Variants in TP53BP1 observed in about 807,000 individuals in gnomAD.
TP53BP1 encodes the protein TP53-binding protein 1.
Under a neutral mutation model 200.8 loss-of-function variants are expected in TP53BP1, and 61 were observed. The ratio of observed to expected loss-of-function variants is 0.30; its 90% confidence interval spans 0.25 to 0.38. The LOEUF is 0.38. Among genes scored for constraint, TP53BP1 ranks in the 10% least tolerant of loss-of-function variants. The probability of loss-of-function intolerance (pLI) is 1.00; values close to 1 mark genes in which losing one functional copy is unlikely to be tolerated. For synonymous variants in TP53BP1, 822 were observed against 844.3 expected (o/e 0.97, Z 0.46); for missense variants, 2,144 against 2,371.9 (o/e 0.90, Z 2.00).
At chr15:43,459,513 A>T (rs1489068664) in intron 11 of TP53BP1, among the ~76,000 whole-genome samples, 1 of 152,220 alleles carries the variant, frequency 6.6e-6, no homozygotes, top group Non-Finnish European at 1.5e-5. Flanking sequence ...CAAATTGTGG[A>T]TACACATATT....
At chr15:43,474,269 C>T (rs1183328912) in intron 10 of TP53BP1, among the ~76,000 whole-genome samples, 1 of 152,160 alleles carries the variant, frequency 6.6e-6, no homozygotes, top group Non-Finnish European at 1.5e-5. Context: ...TCCCTGCACG[C>T]CTCCCTGCAA....
At chr15:43,421,605 A>C in intron 19 of TP53BP1, 1 of 576,456 alleles carries the variant, frequency 1.7e-6, no homozygotes. Context: ...TAAATTCCCG[A>C]AAGTCCCCTC....
In TP53BP1 at chr15:43,421,091, T is replaced by G. The variant is rs1339611845; in HGVS notation, c.4184A>C (p.Lys1395Thr). ...DAGLGIRQGG[K>T]APVTPRGRGR... The stretch of plus-strand genomic sequence containing the variant: ...ACGCCCACGAGGCGTGACTGGAGCC[T>G]TCCCTCCCTGTCTGATGCCAAGGCC... Residue 1395 changes from lysine (K) to threonine (T), a missense_variant, in exon 20 of 28, where the codon AAG (lysine) becomes ACG (threonine). By Grantham distance (78) the Lys-to-Thr change is moderately conservative. Around this residue, in one of 4 missense-constraint regions of TP53BP1, gnomAD observed 1,700 missense variants for 1,710.3 expected, o/e 0.99. Coordinates refer to ENST00000382044, the MANE Select transcript of TP53BP1 (RefSeq NM_001141980.3). 6.8e-6 allele frequency: 11 copies of G among 1,614,186 alleles called. No homozygotes were observed. The highest frequency in any genetic ancestry group is 9.3e-6 in the Non-Finnish European group (11 of 1,180,022).
chr15:43,502,617 A>ATTT (rs776534479), intron 1 of TP53BP1, among the ~76,000 whole-genome samples: 1 of 137,976 alleles, frequency 7.2e-6, no homozygotes, highest in African/African-American at 2.7e-5. Context: ...ACCACGACCT[A>ATTT]TTTTTTTTTT....
chr15:43,480,316 C>T (rs1262924844), intron 5 of TP53BP1, among the ~76,000 whole-genome samples: 5 of 152,018 alleles, frequency 3.3e-5, no homozygotes, highest in African/African-American at 4.8e-5. Context: ...GGTGTGGTGG[C>T]GCACACATGT....
chr15:43,510,219 C>T (rs186161642), intron 1 of TP53BP1, among the ~76,000 whole-genome samples: 1 of 152,204 alleles, frequency 6.6e-6, no homozygotes, highest in East Asian at 1.9e-4. Context: ...GGAGACCCAT[C>T]TCACTGTCAC....
In TP53BP1 at chr15:43,405,152, T is replaced by C. The variant is rs2044824370; in HGVS notation, c.*2231A>G. The stretch of plus-strand genomic sequence containing the variant: ...ATCCTGATTCATATTTCTTTGAAGG[T>C]AGTCTTGGGAAAGCATGACACTTAA... On this transcript the variant is annotated 3_prime_UTR_variant, in exon 28 of 28. Transcript: ENST00000382044. The C allele has an allele frequency of 6.2e-7, 1 of 1,606,734 alleles. No homozygotes were observed. Among genetic ancestry groups the C allele is most frequent in the Non-Finnish European group, 8.5e-7 (1 of 1,173,752 alleles).
chr15:43,415,402 A>G, intron 23 of TP53BP1, 192 bp downstream of exon 23: 2 of 707,538 alleles, frequency 2.8e-6, no homozygotes, highest in African/African-American at 1.7e-5. Flanking sequence ...TACCCGCACT[A>G]GAGTCTGTAG....
intron 15 of TP53BP1, among the ~76,000 whole-genome samples, chr15:43,440,286 C>T (rs1345830632): frequency 1.3e-5 from 2 of 151,880 alleles, no homozygotes; most frequent in Admixed American, 6.6e-5. Flanking sequence ...GTCTTGCGGG[C>T]GGATCACGAG....
At chr15:43,452,619 G>A (rs1245903956) in intron 12 of TP53BP1, among the ~76,000 whole-genome samples, 1 of 135,666 alleles carries the variant, frequency 7.4e-6, no homozygotes, top group Non-Finnish European at 1.5e-5. Context: ...GTTCTAATTT[G>A]TAGTTAAAAT....
Position 43,415,496 on chromosome 15 carries a change from G to C in TP53BP1, c.5089+98C>G, listed in dbSNP as rs771436122. On this transcript the variant is annotated intron_variant, in intron 23 of 27. Transcript: ENST00000382044. ...AGGACCCCGACTTTATAGCAGGACA[G>C]AAGGGCCACTGCCACATATTAAGCT... is the stretch of plus-strand genomic sequence containing the variant. The C allele has an allele frequency of 3.1e-6, 4 of 1,302,532 alleles. No homozygotes were observed. In the South Asian group the frequency reaches 4.7e-5, roughly 15 times the overall value. The allele number at this position is 1,302,532 out of a possible 1,614,324, so 80.7% of individuals were successfully genotyped here. A position where few individuals can be genotyped will look rare whatever the true frequency, so the allele number is the denominator to read the frequency against.
chr15:43,404,624 C>T lies in TP53BP1; in HGVS notation c.*2759G>A, dbSNP rs1450437120. 6.5e-7 allele frequency: 1 copy of T among 1,528,636 alleles called. No homozygotes were observed. The highest frequency in any genetic ancestry group is 2.3e-5 in the East Asian group (1 of 44,304). 94.7% of individuals were successfully genotyped at this position (1,528,636 alleles called of 1,614,324 possible). A position where few individuals can be genotyped will look rare whatever the true frequency, so the allele number is the denominator to read the frequency against. On this transcript the variant is annotated 3_prime_UTR_variant, in exon 28 of 28. Coordinates refer to ENST00000382044, the MANE Select transcript of TP53BP1 (RefSeq NM_001141980.3). Reference sequence around the variant, plus strand: ...TTTAATGAGTTGTAGAATTCTAGAACTGGAAGAAGACTTTAGTCCAAATAC... The same window carrying T: ...TTTAATGAGTTGTAGAATTCTAGAATTGGAAGAAGACTTTAGTCCAAATAC...
intron 11 of TP53BP1, among the ~76,000 whole-genome samples, chr15:43,460,563 T>C (rs564010277): frequency 2.0e-5 from 3 of 152,276 alleles, no homozygotes; most frequent in African/African-American, 4.8e-5. Flanking sequence ...TCAGGCTTTT[T>C]TTCCTATGAT....
intron 10 of TP53BP1, among the ~76,000 whole-genome samples, chr15:43,472,696 T>C (rs1224348375): frequency 6.6e-6 from 1 of 152,250 alleles, no homozygotes. Context: ...TAGAAACAAG[T>C]AGGCCATTAT....
At chr15:43,482,356 C>T (rs1421182605) in intron 4 of TP53BP1, among the ~76,000 whole-genome samples, 1 of 152,186 alleles carries the variant, frequency 6.6e-6, no homozygotes, top group East Asian at 1.9e-4. Context: ...TGAAACAAGG[C>T]CAGGCGCAGG....
chr15:43,495,495 TCACACACACACACACACA>T (rs376410840), upstream of TP53BP1, among the ~76,000 whole-genome samples: 5 of 133,352 alleles, frequency 3.7e-5, no homozygotes, highest in African/African-American at 5.6e-5. Context: ...TGAGACTCCG[TCACACACACACACACACA>T]CACACACACA....
At position 43,480,300 on chromosome 15, in the gene TP53BP1, T is replaced by A. The variant is rs1353495899; in HGVS notation, c.500-283A>T. On this transcript the variant is annotated intron_variant, in intron 5 of 27. Coordinates refer to ENST00000382044, the MANE Select transcript of TP53BP1 (RefSeq NM_001141980.3). ...CCATCTCTACTAAAAATACAAAAATTAGCCAGGTGTGGTGGCGCACACATG... is the reference window on the plus strand; with the variant it reads ...CCATCTCTACTAAAAATACAAAAATAAGCCAGGTGTGGTGGCGCACACATG... 3.3e-5 allele frequency among the ~76,000 whole-genome samples: 5 copies of A among 151,884 alleles called. No individual in the cohort carries two copies. The East Asian group carries it at 9.7e-4, about 29-fold the overall frequency.
chr15:43,488,094 T>C (rs762340662), intron 4 of TP53BP1, among the ~76,000 whole-genome samples: 11 of 151,930 alleles, frequency 7.2e-5, no homozygotes, highest in South Asian at 4.2e-4. Flanking sequence ...AGCCCAGGCA[T>C]TGGAGACCAC....
intron 15 of TP53BP1, among the ~76,000 whole-genome samples, chr15:43,440,476 C>T (rs2045901697): frequency 6.6e-6 from 1 of 150,680 alleles, no homozygotes; most frequent in African/African-American, 2.5e-5. Context: ...GATCGTGCCA[C>T]TGCACTCCAG....
Sources: allele counts gnomAD v4.1 joint callset (sites outside exome capture counted in the v4.1 genomes callset), GRCh38; gene constraint gnomAD v4.1.1; regional missense constraint gnomAD v4.1.1; transcripts MANE v1.5; gene names NCBI Gene and HGNC (gene_info 2026-07-23, HGNC 2026-07-21).